The following CCDC141 variants were observed in gnomAD, a reference collection of about 807,000 sequenced individuals.
CCDC141 encodes the protein coiled-coil domain-containing protein 141.
A neutral mutation model predicts 181.0 loss-of-function variants in CCDC141; 168 were observed. The observed-to-expected ratio is 0.93, with a 90% CI of 0.82 to 1.05. The LOEUF (loss-of-function observed/expected upper bound fraction) is 1.05, where lower values mean the gene tolerates loss of function less well. Ranked by LOEUF, CCDC141 falls within the 50% of genes least tolerant of loss-of-function variation. CCDC141 has a pLI of 0.00. For missense variants in CCDC141, 1,902 were observed against 1,788.5 expected (o/e 1.06, Z -1.14); for synonymous variants, 666 against 642.3 (o/e 1.04, Z -0.56).
chr2:178,879,660 AC>A (rs1455439375), intron 11 of CCDC141, among the ~76,000 whole-genome samples: 1 of 152,188 alleles, frequency 6.6e-6, no homozygotes, highest in Non-Finnish European at 1.5e-5. Flanking sequence ...CAACACAAAG[AC>A]ACATATACAG....
chr2:178,974,175 G>T (rs568904811), intron 4 of CCDC141, among the ~76,000 whole-genome samples: 1 of 152,202 alleles, frequency 6.6e-6, no homozygotes, highest in South Asian at 2.1e-4. Context: ...CTTTTGAAGG[G>T]TAATATAAAC....
chr2:178,958,372 T>C (rs1396333776), intron 5 of CCDC141, among the ~76,000 whole-genome samples: 2 of 151,962 alleles, frequency 1.3e-5, no homozygotes, highest in Non-Finnish European at 2.9e-5. Flanking sequence ...TGAGGGGGGA[T>C]GCTGATAAAG....
chr2:179,007,764 C>T (rs1185967501), intron 2 of CCDC141, among the ~76,000 whole-genome samples: 2 of 152,162 alleles, frequency 1.3e-5, no homozygotes, highest in Admixed American at 6.5e-5. Context: ...TGTTTTAAAA[C>T]ATTTCTTTCA....
chr2:178,862,686 A>G (rs1358577316), intron 17 of CCDC141, among the ~76,000 whole-genome samples: 1 of 152,244 alleles, frequency 6.6e-6, no homozygotes, highest in Non-Finnish European at 1.5e-5. Context: ...TCTAGTAGGT[A>G]GACATGAAGA....
At chr2:178,973,711 A>G (rs1000627817) in intron 4 of CCDC141, among the ~76,000 whole-genome samples, 6 of 152,210 alleles carry the variant, frequency 3.9e-5, no homozygotes, top group African/African-American at 1.4e-4. Context: ...GAATGCTTTC[A>G]TTTGATTGCC....
chr2:178,858,310 T>A (rs539129528), intron 17 of CCDC141, among the ~76,000 whole-genome samples: 3 of 152,194 alleles, frequency 2.0e-5, no homozygotes, highest in South Asian at 2.1e-4. Context: ...AATGTTTTAA[T>A]GTGCGTATGT....
intron 22 of CCDC141, among the ~76,000 whole-genome samples, chr2:178,838,107 C>A (rs1684567020): frequency 6.6e-6 from 1 of 152,182 alleles, no homozygotes; most frequent in Non-Finnish European, 1.5e-5. Flanking sequence ...TTAGGTCTGG[C>A]TTGTCTACAC....
intron 2 of CCDC141, among the ~76,000 whole-genome samples, chr2:179,044,034 C>T (rs994275842): frequency 6.6e-5 from 10 of 152,254 alleles, no homozygotes; most frequent in Non-Finnish European, 1.0e-4. Flanking sequence ...AGACCCAAAT[C>T]ACAAATGAAC....
At chr2:178,883,358 T>C (rs545609893) in intron 11 of CCDC141, among the ~76,000 whole-genome samples, 74 of 152,308 alleles carry the variant, frequency 4.9e-4, no homozygotes, top group African/African-American at 1.8e-3. Flanking sequence ...TTATTACACA[T>C]TGCATGCCTG....
At position 178,992,349 on chromosome 2, in the gene CCDC141, T is replaced by C. The variant is rs1158077517; in HGVS notation, c.226-13674A>G. Among the ~76,000 whole-genome samples the C allele has an allele frequency of 2.0e-5, 3 of 150,236 alleles. No individual in the cohort carries two copies. In the East Asian group the frequency reaches 5.8e-4, roughly 29 times the overall value. Reference sequence around the variant, plus strand: ...ATTATGTAAAATAGACCTTTTTTTTTTTTTTTTTTAAATAGACCTATTCTT... The same window carrying C: ...ATTATGTAAAATAGACCTTTTTTTTCTTTTTTTTTAAATAGACCTATTCTT... On this transcript the variant is annotated intron_variant, in intron 2 of 23. Coordinates refer to ENST00000443758, the MANE Select transcript of CCDC141 (RefSeq NM_173648.4).
At chr2:179,000,795 G>A (rs924134176) in intron 2 of CCDC141, among the ~76,000 whole-genome samples, 8 of 152,120 alleles carry the variant, frequency 5.3e-5, no homozygotes, top group African/African-American at 1.9e-4. Flanking sequence ...TGAAATTACT[G>A]GGTTAAGGAT....
intron 2 of CCDC141, among the ~76,000 whole-genome samples, chr2:179,008,608 C>T (rs949249225): frequency 8.5e-5 from 13 of 152,092 alleles, no homozygotes; most frequent in African/African-American, 2.7e-4. Flanking sequence ...GTAAAAGCTG[C>T]GAATCTCTTC....
chr2:178,904,610 TG>T (rs1184781896), intron 8 of CCDC141, among the ~76,000 whole-genome samples: 1 of 152,202 alleles, frequency 6.6e-6, no homozygotes, highest in African/African-American at 2.4e-5. Context: ...CTGTGAAAAA[TG>T]TAAGCCCTGC....
chr2:178,849,472 A>C (rs1399181763), intron 21 of CCDC141, among the ~76,000 whole-genome samples: 2 of 152,242 alleles, frequency 1.3e-5, no homozygotes, highest in East Asian at 3.8e-4. Context: ...AGCATTAATC[A>C]AACCAGTTTT....
At chr2:179,025,649 G>C (rs2042823098) in intron 2 of CCDC141, among the ~76,000 whole-genome samples, 1 of 152,204 alleles carries the variant, frequency 6.6e-6, no homozygotes, top group African/African-American at 2.4e-5. Flanking sequence ...GGTACCAGTA[G>C]AGTGGGACAT....
intron 17 of CCDC141, among the ~76,000 whole-genome samples, chr2:178,857,902 T>C (rs1215998889): frequency 6.6e-6 from 1 of 152,202 alleles, no homozygotes; most frequent in African/African-American, 2.4e-5. Flanking sequence ...TTTCTCAAAA[T>C]GCTTATTTCA....
chr2:178,909,121 T>C (rs918069892), intron 7 of CCDC141, among the ~76,000 whole-genome samples: 1 of 152,206 alleles, frequency 6.6e-6, no homozygotes, highest in Non-Finnish European at 1.5e-5. Flanking sequence ...ATTGAATGCA[T>C]GTGAGATACC....
rs1442029361 is a variant in CCDC141, at chr2:178,872,273, A to G, written c.1939T>C (p.Tyr647His). 1.9e-6 allele frequency: 3 copies of G among 1,613,628 alleles called. No individual in the cohort carries two copies. Among genetic ancestry groups the G allele is most frequent in the Middle Eastern group, 1.6e-4 (1 of 6,080 alleles). ...TTTTCCATGGTGTTCTTCATGAGGT[A>G]CACTTCATTTTTCACATCTAATATC... ...NEILDVKNEV[Y>H]LMKNTMENQK... Residue 647 changes from tyrosine to histidine, a missense_variant, in exon 13 of 24, where the codon TAC becomes CAC. Tyr to His is a moderately conservative substitution (Grantham distance 83, BLOSUM62 2). Coordinates refer to ENST00000443758, the MANE Select transcript of CCDC141 (RefSeq NM_173648.4).
Position 178,837,455 on chromosome 2 carries a change from G to C in CCDC141, c.3764C>G (p.Thr1255Ser), listed in dbSNP as rs1386280072. 6.2e-7 allele frequency: 1 copy of C among 1,614,062 alleles called. No individual in the cohort carries two copies. Among genetic ancestry groups the C allele is most frequent in the Admixed American group, 1.7e-5 (1 of 60,004 alleles). ...HISSYGVQAG[T>S]SSPGDAQESV... ...TTCCTGGGCATCCCCTGGGCTGCTGGTCCCAGCCTGCACCCCATAGCTGCT... is the reference window on the plus strand; with the variant it reads ...TTCCTGGGCATCCCCTGGGCTGCTGCTCCCAGCCTGCACCCCATAGCTGCT... Residue 1255 changes from threonine to serine, a missense_variant, in exon 23 of 24, where the codon ACC (threonine) becomes AGC (serine). Thr to Ser is a moderately conservative substitution (Grantham distance 58, BLOSUM62 1). Coordinates refer to ENST00000443758, the MANE Select transcript of CCDC141 (RefSeq NM_173648.4).
Sources: gnomAD v4.1 joint callset for allele counts (sites outside exome capture counted in the v4.1 genomes callset) on GRCh38, gnomAD v4.1.1 for gene constraint, MANE v1.5 for transcripts, NCBI Gene and HGNC (gene_info 2026-07-23, HGNC 2026-07-21) for gene names.